PAPPA2: variants seen among roughly 807,000 people sequenced by gnomAD.
PAPPA2 encodes pappalysin-2.
PAPPA2 carries 86 observed loss-of-function variants against 176.4 expected under a neutral mutation model. The observed-to-expected ratio is 0.49, with a 90% CI of 0.41 to 0.58. The LOEUF (loss-of-function observed/expected upper bound fraction) is 0.58. PAPPA2 is among the 20% of genes least tolerant of loss of function. PAPPA2 has a pLI of 0.00. For synonymous variants in PAPPA2, 809 were observed against 852.2 expected, an observed-to-expected ratio of 0.95 and a Z score of 0.88; for missense variants, 2,073 against 2,256.9, an observed-to-expected ratio of 0.92 and a Z score of 1.65.
chr1:176,585,473 G>C (rs746488467), intron 2 of PAPPA2, among the ~76,000 whole-genome samples: 3 of 152,026 alleles, frequency 2.0e-5, no homozygotes, highest in Non-Finnish European at 4.4e-5. Context: ...GACTTGTTTG[G>C]ATTAAATATA....
rs749369547 is a variant in PAPPA2 at position 176,800,039 on chromosome 1, T to G, written c.5131-22T>G. The G allele has an allele frequency of 3.1e-6, 5 of 1,613,596 alleles. No homozygotes were observed. The South Asian group carries it at 5.5e-5, about 18-fold the overall frequency. The stretch of plus-strand genomic sequence containing the variant: ...CAAATGTCTTTAATTTTGTTTTCTG[T>G]TTTTCCCGTCTTTCCCCTTAGAGCA... On this transcript the variant is annotated intron_variant, in intron 20 of 22. Coordinates refer to ENST00000367662, the MANE Select transcript of PAPPA2 (RefSeq NM_020318.3).
At chr1:176,801,789 G>A (rs1665694325) in intron 21 of PAPPA2, among the ~76,000 whole-genome samples, 5 of 152,086 alleles carry the variant, frequency 3.3e-5, no homozygotes, top group African/African-American at 1.2e-4. Context: ...GACAGGGCTT[G>A]GAGCTGGCTT....
chr1:176,749,856 G>A (rs184556568), intron 14 of PAPPA2, among the ~76,000 whole-genome samples: 14 of 152,134 alleles, frequency 9.2e-5, no homozygotes, highest in South Asian at 8.3e-4. Flanking sequence ...ATGTACAACC[G>A]TTTATTTATC....
In PAPPA2 at chr1:176,802,218, G is replaced by A. The variant is rs1002741368; in HGVS notation, c.5202+2086G>A. Among the ~76,000 whole-genome samples, 6 of 152,088 alleles carry A rather than the reference G, an allele frequency of 3.9e-5. 1 individual carries two copies. In the South Asian group the frequency reaches 6.2e-4, roughly 16 times the overall value. On this transcript the variant is annotated intron_variant, in intron 21 of 22. Coordinates refer to ENST00000367662, the MANE Select transcript of PAPPA2 (RefSeq NM_020318.3). ...AGTTTGTTGTGCAGCAATAATTGTA[G>A]CTAACATTATTTAGCCACTTTGAGG...
chr1:176,598,286 T>A (rs1654093871), intron 3 of PAPPA2, among the ~76,000 whole-genome samples: 1 of 152,146 alleles, frequency 6.6e-6, no homozygotes, highest in Non-Finnish European at 1.5e-5. Flanking sequence ...TTCTGGTAGT[T>A]TCCTGTACAC....
intron 8 of PAPPA2, 76 bp from the exon 9 acceptor site, chr1:176,702,531 G>C: frequency 6.3e-7 from 1 of 1,577,666 alleles, no homozygotes; most frequent in Non-Finnish European, 8.6e-7. Flanking sequence ...TTCAACTTCT[G>C]TGAACCATCA....
chr1:176,616,398 T>G (rs527686448), intron 3 of PAPPA2: 509 of 607,724 alleles, frequency 8.4e-4, no homozygotes, highest in African/African-American at 7.9e-3. Context: ...TCCTATGAAT[T>G]GTACTGCATC....
chr1:176,603,830 C>A (rs917982024), intron 3 of PAPPA2, among the ~76,000 whole-genome samples: 1 of 152,148 alleles, frequency 6.6e-6, no homozygotes, highest in African/African-American at 2.4e-5. Flanking sequence ...TGCCCCGAGT[C>A]TATTTTTAAC....
rs199988757 is a variant in PAPPA2 at position 176,595,064 on chromosome 1, A to T, written c.1460A>T (p.Glu487Val). Residue 487 changes from glutamate to valine, a missense_variant, in exon 3 of 23, where the codon GAG becomes GTG. Physicochemically the swap from Glu to Val is moderately radical, Grantham distance 121 (BLOSUM62 -2). Transcript: ENST00000367662. ...GAGGTTCTCCAGGGCTTTGAGCCAG[A>T]GCCTGAGATTCTGTCGCCTTTGCAG... is the stretch of plus-strand genomic sequence containing the variant. ...RLEVLQGFEP[E>V]PEILSPLQPP... 336 of 1,614,062 alleles carry T rather than the reference A, an allele frequency of 2.1e-4. No individual in the cohort carries two copies. Among genetic ancestry groups the T allele is most frequent in the Non-Finnish European group, 2.7e-4 (323 of 1,180,054 alleles).
intron 1 of PAPPA2, among the ~76,000 whole-genome samples, chr1:176,490,576 C>A (rs1230474258): frequency 6.6e-6 from 1 of 152,154 alleles, no homozygotes; most frequent in Non-Finnish European, 1.5e-5. Flanking sequence ...TGTTGCCGTG[C>A]ATTTTCTTCC....
chr1:176,650,125 G>T (rs1657632306), intron 3 of PAPPA2, among the ~76,000 whole-genome samples: 1 of 151,428 alleles, frequency 6.6e-6, no homozygotes, highest in Non-Finnish European at 1.5e-5. Flanking sequence ...TCGCTCAATT[G>T]TCCCCTTTGT....
At chr1:176,524,134 C>A (rs1649346448) in intron 1 of PAPPA2, among the ~76,000 whole-genome samples, 1 of 152,218 alleles carries the variant, frequency 6.6e-6, no homozygotes, top group African/African-American at 2.4e-5. Flanking sequence ...CATTTCTTTG[C>A]AGCACTGTCG....
In PAPPA2 at chr1:176,638,781, C is replaced by T. The variant is rs530783322; in HGVS notation, c.1992-32189C>T. On this transcript the variant is annotated intron_variant, in intron 3 of 22. Transcript: ENST00000367662. ...AATCAGAGCTTTGTGAAAGTTCCTC[C>T]AATAAATTATATAGACCTTTTTATA... Among the ~76,000 whole-genome samples, 7 of 152,018 alleles carry T rather than the reference C, an allele frequency of 4.6e-5. No individual in the cohort carries two copies. In the South Asian group the frequency reaches 1.5e-3, roughly 32 times the overall value.
chr1:176,535,137 G>A (rs1650002694), intron 1 of PAPPA2, among the ~76,000 whole-genome samples: 2 of 152,094 alleles, frequency 1.3e-5, no homozygotes, highest in South Asian at 4.2e-4. Context: ...AGAGGTAAAG[G>A]ATAAAAGAAT....
intron 1 of PAPPA2, among the ~76,000 whole-genome samples, chr1:176,529,927 T>C (rs1003836881): frequency 6.6e-6 from 1 of 152,160 alleles, no homozygotes; most frequent in African/African-American, 2.4e-5. Flanking sequence ...TCTAATCCCT[T>C]CTTTGATGCC....
intron 3 of PAPPA2, among the ~76,000 whole-genome samples, chr1:176,600,297 T>C (rs1654234246): frequency 6.6e-6 from 1 of 152,192 alleles, no homozygotes; most frequent in Non-Finnish European, 1.5e-5. Context: ...ATATAGATCT[T>C]TGGGTTTCCA....
At chr1:176,666,305 A>G (rs1658637389) in intron 3 of PAPPA2, among the ~76,000 whole-genome samples, 1 of 152,186 alleles carries the variant, frequency 6.6e-6, no homozygotes, top group African/African-American at 2.4e-5. Context: ...TTTCCTGGGC[A>G]GAGAAACTTA....
intron 14 of PAPPA2, among the ~76,000 whole-genome samples, chr1:176,750,584 G>A (rs1244024254): frequency 6.6e-6 from 1 of 152,060 alleles, no homozygotes; most frequent in Non-Finnish European, 1.5e-5. Flanking sequence ...CAGCCTGGGT[G>A]ACAGAGCAAG....
At chr1:176,681,431 G>A (rs946525539) in intron 4 of PAPPA2, among the ~76,000 whole-genome samples, 2 of 152,190 alleles carry the variant, frequency 1.3e-5, no homozygotes, top group Admixed American at 1.3e-4. Flanking sequence ...GGGATCTTCA[G>A]ATGAGTCCAG....
Sources: allele counts gnomAD v4.1 joint callset (sites outside exome capture counted in the v4.1 genomes callset), GRCh38; gene constraint gnomAD v4.1.1; transcripts MANE v1.5; gene names NCBI Gene and HGNC (gene_info 2026-07-23, HGNC 2026-07-21).